Variants in OR7E24 observed in about 807,000 individuals in gnomAD.
OR7E24 encodes olfactory receptor family 7 subfamily E member 24.
For missense variants in OR7E24, 385 were observed against 410.3 expected (o/e 0.94, Z 0.53); for synonymous variants, 130 against 157.5 (o/e 0.83, Z 1.31).
At chr19:9,228,869 G>C in the OR7E24 span, among the ~76,000 whole-genome samples, 1 of 152,154 alleles carries the variant, frequency 6.6e-6, no homozygotes, top group African/African-American at 2.4e-5. Context: ...TATCAATAAT[G>C]TATTATTTAG....
chr19:9,218,634 A>AT, the OR7E24 span, among the ~76,000 whole-genome samples: 8 of 151,578 alleles, frequency 5.3e-5, no homozygotes, highest in East Asian at 1.9e-4. Context: ...ATGCAAATGG[A>AT]TTTTTTTTTG....
At chr19:9,237,320 T>G in the OR7E24 span, among the ~76,000 whole-genome samples, 14 of 152,030 alleles carry the variant, frequency 9.2e-5, no homozygotes, top group African/African-American at 2.2e-4. Context: ...TATTTATTTA[T>G]TTATTTTTGA....
At chr19:9,227,070 A>G in the OR7E24 span, among the ~76,000 whole-genome samples, 10 of 152,208 alleles carry the variant, frequency 6.6e-5, no homozygotes, top group Admixed American at 4.6e-4. Context: ...GAAAGGCCTC[A>G]GTGTGTGTAG....
chr19:9,231,800 A>G, the OR7E24 span, among the ~76,000 whole-genome samples: 1 of 152,152 alleles, frequency 6.6e-6, no homozygotes, highest in East Asian at 1.9e-4. Context: ...TTCACGGTGT[A>G]TGATTCTTTT....
At chr19:9,248,598 T>A (rs1029408442), upstream of OR7E24, among the ~76,000 whole-genome samples, 2 of 152,178 alleles carry the variant, frequency 1.3e-5, no homozygotes, top group African/African-American at 4.8e-5. Context: ...CCACGTTCAC[T>A]GTGTCAAGTA....
At chr19:9,239,811 CA>C in the OR7E24 span, among the ~76,000 whole-genome samples, 1 of 150,034 alleles carries the variant, frequency 6.7e-6, no homozygotes, top group Non-Finnish European at 1.5e-5. Flanking sequence ...CAGCTTCAAG[CA>C]ATTCTCCTGT....
chr19:9,230,131 G>A, the OR7E24 span, among the ~76,000 whole-genome samples: 6 of 150,420 alleles, frequency 4.0e-5, no homozygotes, highest in Non-Finnish European at 5.9e-5. Flanking sequence ...CACAACCTCC[G>A]CCTCTTGGGT....
the OR7E24 span, chr19:9,207,821 A>G: frequency 2.4e-4 from 37 of 152,210 alleles, no homozygotes; most frequent in African/African-American, 8.4e-4. Flanking sequence ...ATGAACACTG[A>G]ATTTTACTAC....
At chr19:9,215,006 A>T in the OR7E24 span, 1 of 588,520 alleles carries the variant, frequency 1.7e-6, no homozygotes, top group Non-Finnish European at 3.0e-6. Context: ...ATCTATTTTT[A>T]TTCTATTTGT....
the OR7E24 span, among the ~76,000 whole-genome samples, chr19:9,231,422 AT>A: frequency 1.3e-5 from 2 of 152,132 alleles, no homozygotes; most frequent in East Asian, 3.9e-4. Context: ...TCTACTAAAA[AT>A]ACAAAAATTA....
the OR7E24 span, among the ~76,000 whole-genome samples, chr19:9,234,795 C>T: frequency 2.0e-5 from 3 of 152,104 alleles, 1 homozygote; most frequent in South Asian, 4.1e-4. Context: ...GTTGAAAATG[C>T]GTATCTTAAT....
chr19:9,222,007 T>TA, the OR7E24 span, among the ~76,000 whole-genome samples: 1 of 152,248 alleles, frequency 6.6e-6, no homozygotes, highest in Non-Finnish European at 1.5e-5. Context: ...TAGTGTGAAG[T>TA]AAATACCTAA....
the OR7E24 span, among the ~76,000 whole-genome samples, chr19:9,236,749 C>T: frequency 1.3e-5 from 2 of 152,016 alleles, no homozygotes; most frequent in East Asian, 3.9e-4. Context: ...TTATAAAACT[C>T]TTCATGTCAA....
upstream of OR7E24, among the ~76,000 whole-genome samples, chr19:9,245,227 A>G (rs1038960353): frequency 2.6e-5 from 4 of 152,028 alleles, no homozygotes; most frequent in African/African-American, 9.7e-5. Flanking sequence ...TAAAGAAAAA[A>G]AAAAATTGGG....
the OR7E24 span, among the ~76,000 whole-genome samples, chr19:9,231,614 G>A: frequency 6.6e-6 from 1 of 152,044 alleles, no homozygotes; most frequent in African/African-American, 2.4e-5. Flanking sequence ...AATTGTCCTT[G>A]GTTTCCTCAT....
chr19:9,235,192 C>T, the OR7E24 span: 18 of 1,468,822 alleles, frequency 1.2e-5, no homozygotes, highest in Admixed American at 1.0e-4. Context: ...CCTCTTAGGA[C>T]TCTCAGATGA....
upstream of OR7E24, among the ~76,000 whole-genome samples, chr19:9,246,514 GT>G (rs1240496580): frequency 1.4e-5 from 2 of 140,700 alleles, no homozygotes; most frequent in African/African-American, 5.5e-5. Context: ...GTGTGTGTGT[GT>G]TTTCTTCTCC....
upstream of OR7E24, among the ~76,000 whole-genome samples, chr19:9,244,012 C>T (rs535007431): frequency 6.6e-5 from 10 of 152,294 alleles, no homozygotes; most frequent in South Asian, 2.1e-3. Context: ...AGACCCAATT[C>T]CAGTATCAGA....
At chr19:9,229,140 C>A in the OR7E24 span, among the ~76,000 whole-genome samples, 6 of 152,142 alleles carry the variant, frequency 3.9e-5, no homozygotes, top group African/African-American at 7.2e-5. Flanking sequence ...GCCTCTATAA[C>A]CTTGTGGACA....
Sources: gnomAD v4.1 joint callset for allele counts (sites outside exome capture counted in the v4.1 genomes callset) on GRCh38, gnomAD v4.1.1 for gene constraint, MANE v1.5 for transcripts, NCBI Gene and HGNC (gene_info 2026-07-23, HGNC 2026-07-21) for gene names.